The following DNAJC13 variants were observed in gnomAD, a reference collection of about 807,000 sequenced individuals.
The protein encoded by DNAJC13 is dnaJ homolog subfamily C member 13.
A neutral mutation model predicts 290.5 loss-of-function variants in DNAJC13; 75 were observed. That is an observed-to-expected ratio of 0.26 (90% CI 0.21 to 0.31). The LOEUF (loss-of-function observed/expected upper bound fraction) is 0.31, where lower values mean the gene tolerates loss of function less well. Ranked by LOEUF, DNAJC13 falls within the 10% of genes least tolerant of loss-of-function variation. The pLI is 1.00. For synonymous variants in DNAJC13, 862 were observed against 892.0 expected (o/e 0.97, Z 0.60); for missense variants, 2,260 against 2,674.5 (o/e 0.85, Z 3.42).
chr3:132,514,961 C>A, intron 46 of DNAJC13: 1 of 288,434 alleles, frequency 3.5e-6, no homozygotes. Context: ...ACTAATATTT[C>A]ATGGTTTACT....
chr3:132,483,804 T>G (rs2107699099), intron 28 of DNAJC13, among the ~76,000 whole-genome samples: 1 of 152,360 alleles, frequency 6.6e-6, no homozygotes, highest in Non-Finnish European at 1.5e-5. Flanking sequence ...GTTACAAAAC[T>G]GAGACTTACA....
chr3:132,494,057 T>C (rs1935150056), intron 33 of DNAJC13, 87 bp from the exon 34 acceptor site: 1 of 931,486 alleles, frequency 1.1e-6, no homozygotes, highest in East Asian at 2.7e-5. Context: ...TCCATTTAAA[T>C]AAATACAGCA....
Position 132,467,019 on chromosome 3 carries a change from G to C in DNAJC13, c.2065-151G>C, listed in dbSNP as rs1934017187. The C allele has an allele frequency of 5.7e-6, 5 of 881,794 alleles. No homozygotes were observed. In the South Asian group the frequency reaches 1.5e-4, roughly 27 times the overall value. The allele number at this position is 881,794 out of a possible 1,614,324, so 54.6% of individuals were successfully genotyped here. A position where few individuals can be genotyped will look rare whatever the true frequency, so the allele number is the denominator to read the frequency against. On this transcript the variant is annotated intron_variant, in intron 19 of 55. Coordinates refer to ENST00000260818, the MANE Select transcript of DNAJC13 (RefSeq NM_015268.4). ...GAAAAGTTAGTTTCTTGGATAAAAAGTATAATTGTAGAAGTTTTCAGTTTG... is the reference window on the plus strand; with the variant it reads ...GAAAAGTTAGTTTCTTGGATAAAAACTATAATTGTAGAAGTTTTCAGTTTG...
intron 31 of DNAJC13, among the ~76,000 whole-genome samples, chr3:132,489,279 A>C (rs1285709548): frequency 6.6e-6 from 1 of 152,162 alleles, no homozygotes; most frequent in Admixed American, 6.5e-5. Flanking sequence ...CACCTCCATG[A>C]ATATAAGTTG....
At position 132,503,198 on chromosome 3, in the gene DNAJC13, AT is replaced by A. The variant is rs34122338; in HGVS notation, c.4717-8del. 6.2e-6 allele frequency: 10 copies of A among 1,610,598 alleles called. No individual in the cohort carries two copies. The highest frequency in any genetic ancestry group is 3.4e-5 in the Admixed American group (2 of 59,472). Reference sequence around the variant, plus strand: ...ATAACAGATCTACTTTAACAACTTAATTTTTTTTATAACAGGAGGTAGCAAA... The same window carrying A: ...ATAACAGATCTACTTTAACAACTTAATTTTTTTATAACAGGAGGTAGCAAA... On this transcript the variant is annotated splice_polypyrimidine_tract_variant and intron_variant, in intron 40 of 55. Transcript: ENST00000260818.
At chr3:132,531,658 G>A (rs546140696) in intron 55 of DNAJC13, among the ~76,000 whole-genome samples, 15 of 152,154 alleles carry the variant, frequency 9.9e-5, no homozygotes, top group Admixed American at 8.5e-4. Flanking sequence ...TTAGCCAGGC[G>A]TGGTGGCGGG....
chr3:132,498,704 G>A (rs559678149), intron 36 of DNAJC13, among the ~76,000 whole-genome samples: 6 of 151,560 alleles, frequency 4.0e-5, no homozygotes, highest in African/African-American at 4.8e-5. Context: ...TTTTTTTTAC[G>A]TTTTATTTTA....
chr3:132,427,302 A>T (rs1027719648), intron 1 of DNAJC13, among the ~76,000 whole-genome samples: 3 of 151,506 alleles, frequency 2.0e-5, no homozygotes, highest in South Asian at 2.1e-4. Flanking sequence ...CACCCAGCTA[A>T]TTTTTTGTAT....
At chr3:132,505,661 C>G (rs1170811527) in intron 42 of DNAJC13, among the ~76,000 whole-genome samples, 1 of 152,112 alleles carries the variant, frequency 6.6e-6, no homozygotes, top group African/African-American at 2.4e-5. Context: ...TTTTTGAACC[C>G]AGAAACCTTA....
intron 42 of DNAJC13, 65 bp downstream of exon 42, chr3:132,505,480 G>A: frequency 9.5e-7 from 1 of 1,051,652 alleles, no homozygotes; most frequent in South Asian, 1.4e-5. Context: ...AAGTACAGCA[G>A]TATTGATTAG....
chr3:132,453,501 T>A lies in DNAJC13; in HGVS notation c.741T>A (p.His247Gln). 1 of 1,613,818 alleles carries A rather than the reference T, an allele frequency of 6.2e-7. No individual in the cohort carries two copies. Among genetic ancestry groups the A allele is most frequent in the Non-Finnish European group, 8.5e-7 (1 of 1,179,832 alleles). ...EFVVQKISPR[H>Q]SEPVKRVLAL... is the part of the protein sequence containing the mutation. ...TAGTCCAAAAAATATCACCTAGACA[T>A]TCGGTAAGACCCATATGTTAAAAAT... The change falls in exon 7 of 56, where the codon CAT becomes CAA. Residue 247 changes from histidine to glutamine, a missense_variant. Physicochemically the swap from His to Gln is conservative, Grantham distance 24 (BLOSUM62 0). Transcript: ENST00000260818.
chr3:132,460,653 G>T (rs1412851285), intron 14 of DNAJC13, among the ~76,000 whole-genome samples: 3 of 152,088 alleles, frequency 2.0e-5, no homozygotes, highest in Non-Finnish European at 4.4e-5. Flanking sequence ...AAAAAATTAA[G>T]CCAAATCTTT....
chr3:132,473,219 C>G lies in DNAJC13; in HGVS notation c.2283C>G (p.Phe761Leu), dbSNP rs758512975. 1.9e-6 allele frequency: 3 copies of G among 1,597,412 alleles called. No homozygotes were observed. The highest frequency in any genetic ancestry group is 4.5e-5 in the East Asian group (2 of 44,586). The change falls in exon 21 of 56, where the codon TTC becomes TTG. Residue 761 changes from phenylalanine to leucine, a missense_variant. Physicochemically the swap from Phe to Leu is conservative, Grantham distance 22. Transcript: ENST00000260818. ...AAATAGAAGCAAATTGGGATCTCTT[C>G]TATTATAGGTAAACTTTAGGTCTCT... ...RIKIEANWDL[F>L]YYRFGQDHAR...
chr3:132,525,810 T>C (rs1416824945), intron 52 of DNAJC13, 21 bp downstream of exon 52: 1 of 1,608,664 alleles, frequency 6.2e-7, no homozygotes. Flanking sequence ...ATACACTTAG[T>C]AGTTTATAAG....
At chr3:132,460,940 A>G (rs1933777089) in intron 14 of DNAJC13, 110 bp from the exon 15 acceptor site, 1 of 1,040,208 alleles carries the variant, frequency 9.6e-7, no homozygotes, top group Non-Finnish European at 1.4e-6. Flanking sequence ...AATTAAAGTC[A>G]ATGTTGATGT....
chr3:132,469,960 A>ATTTTT (rs1208816809), intron 20 of DNAJC13, among the ~76,000 whole-genome samples: 3 of 29,256 alleles, frequency 1.0e-4, no homozygotes, highest in Admixed American at 3.5e-4. Context: ...TGGAGCAGAG[A>ATTTTT]TTCTTTTTTT....
chr3:132,434,190 A>G (rs1452795256), intron 1 of DNAJC13, among the ~76,000 whole-genome samples: 2 of 150,358 alleles, frequency 1.3e-5, no homozygotes, highest in African/African-American at 4.9e-5. Context: ...AGCCTGGGCG[A>G]CAGTGCGAGA....
chr3:132,495,091 T>G lies in DNAJC13; in HGVS notation c.3945T>G (p.His1315Gln), dbSNP rs1282113691. 1 of 1,612,968 alleles carries G rather than the reference T, an allele frequency of 6.2e-7. No homozygotes were observed. The highest frequency in any genetic ancestry group is 1.7e-5 in the Admixed American group (1 of 59,962). ...AAACAATTTTCCTGTTTAACAGGCA[T>G]GATGAGAGCAAGATTAGGAAAGCTT... is the stretch of plus-strand genomic sequence containing the variant. ...VLNLPQGQGP[H>Q]DESKIRKAYF... Residue 1315 changes from histidine (H) to glutamine (Q), a missense_variant, in exon 35 of 56, where the codon CAT (histidine) becomes CAG (glutamine). This residue lies in a region of DNAJC13 where 1,494 missense variants were observed against 1,693.7 expected (regional missense o/e 0.88). Coordinates refer to ENST00000260818, the MANE Select transcript of DNAJC13 (RefSeq NM_015268.4).
intron 35 of DNAJC13, among the ~76,000 whole-genome samples, chr3:132,495,386 T>C (rs758038889): frequency 8.5e-5 from 13 of 152,176 alleles, no homozygotes; most frequent in Non-Finnish European, 1.6e-4. Flanking sequence ...TTACAGGTTT[T>C]ATTGTGTCTC....
Sources: allele counts gnomAD v4.1 joint callset (sites outside exome capture counted in the v4.1 genomes callset), GRCh38; gene constraint gnomAD v4.1.1; regional missense constraint gnomAD v4.1.1; transcripts MANE v1.5; gene names NCBI Gene and HGNC (gene_info 2026-07-23, HGNC 2026-07-21).